ADRA1B: variants seen among roughly 807,000 people sequenced by gnomAD.
ADRA1B encodes the protein adrenoceptor alpha 1B, also known as alpha-1B adrenergic receptor.
A neutral mutation model predicts 17.9 loss-of-function variants in ADRA1B; 17 were observed. The observed-to-expected ratio is 0.95, with a 90% confidence interval of 0.65 to 1.42. ADRA1B has a LOEUF of 1.42. ADRA1B is among the 40% of genes most tolerant of loss of function. The pLI, the probability that ADRA1B is intolerant of heterozygous loss-of-function variation, is 0.00. For synonymous variants in ADRA1B, 366 were observed against 327.6 expected, an observed-to-expected ratio of 1.12 and a Z score of -1.27; for missense variants, 681 against 722.1, an observed-to-expected ratio of 0.94 and a Z score of 0.65.
intron 1 of ADRA1B, among the ~76,000 whole-genome samples, chr5:159,900,758 G>A (rs1754092325): frequency 6.6e-6 from 1 of 152,226 alleles, no homozygotes; most frequent in Non-Finnish European, 1.5e-5. Context: ...CAGCCCCCCA[G>A]CCATGCAGAG....
At chr5:159,893,261 C>T (rs1201627280) in intron 1 of ADRA1B, among the ~76,000 whole-genome samples, 2 of 152,288 alleles carry the variant, frequency 1.3e-5, no homozygotes, top group East Asian at 1.9e-4. Context: ...TTTCTGGTAA[C>T]TCTCACTCCT....
At chr5:159,938,371 C>A (rs985890408) in intron 1 of ADRA1B, among the ~76,000 whole-genome samples, 1 of 152,240 alleles carries the variant, frequency 6.6e-6, no homozygotes, top group East Asian at 1.9e-4. Context: ...AGTCTTCCAA[C>A]CATGGAGTGA....
intron 1 of ADRA1B, chr5:159,869,257 A>G (rs946729542): frequency 6.6e-6 from 1 of 152,182 alleles, no homozygotes; most frequent in Non-Finnish European, 1.5e-5. Flanking sequence ...CCTTCTATCC[A>G]GGTGTGGATG....
intron 1 of ADRA1B, among the ~76,000 whole-genome samples, chr5:159,893,311 C>T (rs904224838): frequency 1.2e-4 from 2 of 17,098 alleles, no homozygotes; most frequent in African/African-American, 2.4e-3. Flanking sequence ...GGATGAGTTA[C>T]TTCACCTCTC....
intron 1 of ADRA1B, among the ~76,000 whole-genome samples, chr5:159,964,850 T>C (rs1200474377): frequency 6.6e-6 from 1 of 152,202 alleles, no homozygotes; most frequent in Non-Finnish European, 1.5e-5. Flanking sequence ...CTGGCAGTTG[T>C]AACAGTAGCA....
intron 1 of ADRA1B, chr5:159,887,895 T>TA (rs1725371004): frequency 3.3e-5 from 5 of 151,906 alleles, no homozygotes; most frequent in African/African-American, 9.7e-5. Context: ...GAGAGAGGAG[T>TA]AGAGTACACA....
intron 1 of ADRA1B, among the ~76,000 whole-genome samples, chr5:159,922,898 A>G (rs1162059648): frequency 1.3e-5 from 2 of 152,290 alleles, no homozygotes; most frequent in African/African-American, 4.8e-5. Context: ...ACAAACAAAC[A>G]TGAACATAAA....
At chr5:159,978,764 G>A in the ADRA1B span, among the ~76,000 whole-genome samples, 1 of 152,208 alleles carries the variant, frequency 6.6e-6, no homozygotes, top group Admixed American at 6.5e-5. Context: ...AACTGCTTGG[G>A]AGCAGAGGAA....
chr5:159,970,244 G>C (rs1561612247), intron 1 of ADRA1B, among the ~76,000 whole-genome samples: 1 of 151,910 alleles, frequency 6.6e-6, no homozygotes, highest in Non-Finnish European at 1.5e-5. Context: ...TCCACCCCTA[G>C]GCATTCTGTC....
chr5:159,906,193 G>C (rs1418076225), intron 1 of ADRA1B, among the ~76,000 whole-genome samples: 1 of 152,120 alleles, frequency 6.6e-6, no homozygotes, highest in African/African-American at 2.4e-5. Context: ...GGCAAGACTG[G>C]CCAGACTGGC....
At chr5:159,977,065 T>A (rs186262367), downstream of ADRA1B, among the ~76,000 whole-genome samples, 311 of 152,316 alleles carry the variant, frequency 2.0e-3, 8 homozygotes, top group Admixed American at 0.019. Context: ...TTGTATATCC[T>A]CCATTCCAGC....
downstream of ADRA1B, among the ~76,000 whole-genome samples, chr5:159,977,743 G>C (rs1755994487): frequency 6.6e-6 from 1 of 152,144 alleles, no homozygotes; most frequent in Non-Finnish European, 1.5e-5. Context: ...GGGTGTTGGG[G>C]TGAGGAGGGG....
intron 1 of ADRA1B, among the ~76,000 whole-genome samples, chr5:159,960,793 A>C (rs1054496523): frequency 2.6e-5 from 4 of 151,580 alleles, no homozygotes; most frequent in Non-Finnish European, 5.9e-5. Context: ...CTGCTTATCC[A>C]TGAACCTCAT....
At chr5:159,941,919 C>CA (rs1755139536) in intron 1 of ADRA1B, among the ~76,000 whole-genome samples, 1 of 122,138 alleles carries the variant, frequency 8.2e-6, no homozygotes, top group Admixed American at 8.7e-5. Flanking sequence ...TACTGGGTTT[C>CA]TTTTTTTTTT....
intron 1 of ADRA1B, among the ~76,000 whole-genome samples, chr5:159,935,550 AT>A (rs921040608): frequency 1.9e-4 from 28 of 151,118 alleles, no homozygotes; most frequent in African/African-American, 5.8e-4. Flanking sequence ...CTTCTATACA[AT>A]TTTTTTTTCT....
At chr5:159,889,047 C>G (rs1297950345) in intron 1 of ADRA1B, among the ~76,000 whole-genome samples, 1 of 152,146 alleles carries the variant, frequency 6.6e-6, no homozygotes, top group Non-Finnish European at 1.5e-5. Context: ...TATACAGTCA[C>G]ACCCAAAGAT....
At position 159,972,806 on chromosome 5, in the gene ADRA1B, G is replaced by A. The variant is rs556225571; in HGVS notation, c.*314G>A. 4.6e-5 allele frequency among the ~76,000 whole-genome samples: 7 copies of A among 152,302 alleles called. 1 individual carries two copies. The highest frequency in any genetic ancestry group is 6.8e-3 in the Middle Eastern group (2 of 294). ...TATTTAACCGTGGGTGCACGTGAGT[G>A]TGACTGTGCGGTGTGCGTGTGTTCC... On this transcript the variant is annotated 3_prime_UTR_variant, in exon 2 of 2. Transcript: ENST00000306675.
chr5:159,974,149 G>A (rs1338877130), downstream of ADRA1B, among the ~76,000 whole-genome samples: 2 of 151,626 alleles, frequency 1.3e-5, no homozygotes, highest in African/African-American at 4.9e-5. Context: ...TGGATCCAGG[G>A]GCACAAACGA....
chr5:159,965,320 C>T (rs1006209027), intron 1 of ADRA1B, among the ~76,000 whole-genome samples: 5 of 152,150 alleles, frequency 3.3e-5, no homozygotes, highest in South Asian at 4.1e-4. Flanking sequence ...GCAAGGGAAG[C>T]GGAGGCAGGC....
Sources: allele counts gnomAD v4.1 joint callset (sites outside exome capture counted in the v4.1 genomes callset), GRCh38; gene constraint gnomAD v4.1.1; transcripts MANE v1.5; gene names NCBI Gene and HGNC (gene_info 2026-07-23, HGNC 2026-07-21).